FMNL2: variants seen among roughly 807,000 people sequenced by gnomAD.
FMNL2 encodes the protein formin like 2.
Under a neutral mutation model 130.2 loss-of-function variants are expected in FMNL2, and 51 were observed. The ratio of observed to expected loss-of-function variants is 0.39; its 90% CI spans 0.31 to 0.49. FMNL2 has a LOEUF of 0.49. Among genes scored for constraint, FMNL2 ranks in the 20% least tolerant of loss-of-function variants. The pLI is 0.85. For missense variants in FMNL2, 977 were observed against 1,316.2 expected, an observed-to-expected ratio of 0.74 and a Z score of 3.99; for synonymous variants, 465 against 467.1, an observed-to-expected ratio of 1.00 and a Z score of 0.06.
rs569291226 is a variant in FMNL2 at position 152,591,875 on chromosome 2, C to T, written c.876+10826C>T. Among the ~76,000 whole-genome samples the T allele has an allele frequency of 5.9e-5, 9 of 152,182 alleles. No individual in the cohort carries two copies. The South Asian group carries it at 1.9e-3, about 32-fold the overall frequency. ...ATCCCAAAACTTTGGGAGGCTGAGG[C>T]AGGTGATCACAAGGTCTGGAGTTAG... is the stretch of plus-strand genomic sequence containing the variant. On this transcript the variant is annotated intron_variant, in intron 9 of 25. Transcript: ENST00000288670.
At position 152,648,310 on chromosome 2, in the gene FMNL2, T is replaced by C. The variant is rs1333559818; in HGVS notation, c.*405T>C. 2 of 162,424 alleles carry C rather than the reference T, an allele frequency of 1.2e-5. 1 individual carries two copies. The highest frequency in any genetic ancestry group is 5.7e-3 in the Middle Eastern group (2 of 348). 10.1% of individuals were successfully genotyped at this position (162,424 alleles called of 1,614,324 possible). ...TTTGCTGAGATGTCTTCGAAGGAAT[T>C]TTGTTTTAGCCATATCCATCAACTT... On this transcript the variant is annotated 3_prime_UTR_variant, in exon 26 of 26. Coordinates refer to ENST00000288670, the MANE Select transcript of FMNL2 (RefSeq NM_052905.4).
intron 2 of FMNL2, 133 bp from the exon 3 acceptor site, chr2:152,542,606 C>A: frequency 2.5e-6 from 2 of 807,100 alleles, no homozygotes; most frequent in Admixed American, 2.1e-5. Flanking sequence ...ACAGTTAGTA[C>A]AAAATGACTG....
chr2:152,359,717 T>C (rs1683051172), intron 1 of FMNL2, among the ~76,000 whole-genome samples: 1 of 152,184 alleles, frequency 6.6e-6, no homozygotes, highest in African/African-American at 2.4e-5. Flanking sequence ...TTGAGCAATT[T>C]TGGAAGAAGG....
At chr2:152,373,915 G>A (rs1684027681) in intron 1 of FMNL2, among the ~76,000 whole-genome samples, 1 of 151,808 alleles carries the variant, frequency 6.6e-6, no homozygotes, top group Admixed American at 6.6e-5. Flanking sequence ...AATGGTTGAA[G>A]GTTTTTTGGC....
intron 1 of FMNL2, among the ~76,000 whole-genome samples, chr2:152,350,457 A>G (rs1682416422): frequency 6.6e-6 from 1 of 152,154 alleles, no homozygotes; most frequent in Non-Finnish European, 1.5e-5. Context: ...TTTCAAAGAA[A>G]TGAGTATTTC....
At chr2:152,640,218 C>G (rs759779335) in intron 24 of FMNL2, among the ~76,000 whole-genome samples, 162 bp downstream of exon 24, 1 of 152,158 alleles carries the variant, frequency 6.6e-6, no homozygotes, top group Admixed American at 6.5e-5. Flanking sequence ...TCATTGATTA[C>G]TTTGTTCTGC....
chr2:152,505,527 G>A (rs1402294057), intron 1 of FMNL2, among the ~76,000 whole-genome samples: 1 of 152,098 alleles, frequency 6.6e-6, no homozygotes, highest in Non-Finnish European at 1.5e-5. Context: ...GGAAACCCAA[G>A]TCATTACTTG....
intron 1 of FMNL2, among the ~76,000 whole-genome samples, chr2:152,487,000 G>A (rs1480793601): frequency 6.6e-6 from 1 of 152,174 alleles, no homozygotes. Flanking sequence ...CAGTTGGGTT[G>A]GCTCTTTTGC....
At chr2:152,524,237 C>T (rs934211739) in intron 2 of FMNL2, among the ~76,000 whole-genome samples, 1 of 152,150 alleles carries the variant, frequency 6.6e-6, no homozygotes, top group African/African-American at 2.4e-5. Flanking sequence ...GAAATTCTGT[C>T]CCAAATTTAA....
intron 1 of FMNL2, among the ~76,000 whole-genome samples, chr2:152,454,402 G>A (rs902886085): frequency 1.2e-4 from 19 of 152,074 alleles, no homozygotes; most frequent in African/African-American, 4.1e-4. Flanking sequence ...ATTTAAGACT[G>A]TAGACTTCCC....
intron 1 of FMNL2, among the ~76,000 whole-genome samples, chr2:152,477,591 G>A (rs1690223088): frequency 6.6e-6 from 1 of 152,158 alleles, no homozygotes; most frequent in Non-Finnish European, 1.5e-5. Flanking sequence ...CAAGCAGGCT[G>A]TCCGTTGATT....
chr2:152,453,872 G>A (rs1688798411), intron 1 of FMNL2, among the ~76,000 whole-genome samples: 1 of 152,154 alleles, frequency 6.6e-6, no homozygotes, highest in African/African-American at 2.4e-5. Flanking sequence ...CAAGAACATG[G>A]TTTCAAAAAC....
At chr2:152,367,994 T>TATTTAAC (rs1275883821) in intron 1 of FMNL2, among the ~76,000 whole-genome samples, 3 of 152,190 alleles carry the variant, frequency 2.0e-5, no homozygotes, top group Non-Finnish European at 4.4e-5. Flanking sequence ...ACTGAGCCAG[T>TATTTAAC]CTACGTATTA....
chr2:152,588,035 A>G (rs1401969554), intron 9 of FMNL2, among the ~76,000 whole-genome samples: 1 of 152,212 alleles, frequency 6.6e-6, no homozygotes, highest in Non-Finnish European at 1.5e-5. Flanking sequence ...GCCTGAACAG[A>G]GTTTAGGGTG....
chr2:152,381,947 C>T (rs1332347283), intron 1 of FMNL2, among the ~76,000 whole-genome samples: 1 of 151,970 alleles, frequency 6.6e-6, no homozygotes, highest in Non-Finnish European at 1.5e-5. Context: ...TACAAGCAGG[C>T]ATCATCACAC....
chr2:152,405,884 A>G (rs1685953265), intron 1 of FMNL2, among the ~76,000 whole-genome samples: 1 of 152,224 alleles, frequency 6.6e-6, no homozygotes, highest in African/African-American at 2.4e-5. Flanking sequence ...TGGATATTTA[A>G]AACTACATAT....
At chr2:152,517,290 C>G (rs1210325507) in intron 1 of FMNL2, among the ~76,000 whole-genome samples, 2 of 152,012 alleles carry the variant, frequency 1.3e-5, no homozygotes, top group African/African-American at 4.8e-5. Context: ...AATATAAATC[C>G]TAATTCATTA....
At chr2:152,486,884 T>A (rs1343537595) in intron 1 of FMNL2, among the ~76,000 whole-genome samples, 4 of 152,244 alleles carry the variant, frequency 2.6e-5, no homozygotes, top group Non-Finnish European at 2.9e-5. Context: ...GGTTTAGGAA[T>A]ATTCTAGCAA....
intron 1 of FMNL2, among the ~76,000 whole-genome samples, chr2:152,364,119 AAT>A (rs1445957158): frequency 1.3e-5 from 2 of 152,078 alleles, no homozygotes; most frequent in Non-Finnish European, 2.9e-5. Context: ...TAGATATATT[AAT>A]TACAGACAAG....
Sources: allele counts gnomAD v4.1 joint callset (sites outside exome capture counted in the v4.1 genomes callset), GRCh38; gene constraint gnomAD v4.1.1; transcripts MANE v1.5; gene names NCBI Gene and HGNC (gene_info 2026-07-23, HGNC 2026-07-21).